Variants in RFPL2 observed in about 807,000 individuals in gnomAD.
RFPL2 encodes ret finger protein-like 2.
RFPL2 carries 13 observed loss-of-function variants against 17.8 expected under a neutral mutation model. The ratio of observed to expected loss-of-function variants is 0.73; its 90% CI spans 0.47 to 1.16. The LOEUF (loss-of-function observed/expected upper bound fraction) is 1.16. RFPL2 is among the 50% of genes most tolerant of loss of function. RFPL2 has a pLI of 0.00. For missense variants in RFPL2, 431 were observed against 479.3 expected, an observed-to-expected ratio of 0.90 and a Z score of 0.94; for synonymous variants, 189 against 180.9, an observed-to-expected ratio of 1.04 and a Z score of -0.36.
chr22:32,193,119 G>C lies in RFPL2; in HGVS notation c.339C>G (p.Ser113=). The change falls in exon 4 of 5, where the codon TCC becomes TCG. Residue 113 remains serine, a synonymous_variant. Transcript: ENST00000652607. The stretch of plus-strand genomic sequence containing the variant: ...GGCAGACGGCGCATCCACACTCCAG[G>C]GACATTGGTTTTTCCAGATAGTCTG... The part of the protein sequence containing the change: ...VCSDYLEKPM[S]LECGCAVCLK... 3 of 1,613,938 alleles carry C rather than the reference G, an allele frequency of 1.9e-6. No individual in the cohort carries two copies. The highest frequency in any genetic ancestry group is 1.7e-6 in the Non-Finnish European group (2 of 1,179,846).
At position 32,193,126 on chromosome 22, in the gene RFPL2, G is replaced by C; in HGVS notation, c.332C>G (p.Pro111Arg). 6.2e-7 allele frequency: 1 copy of C among 1,613,906 alleles called. No individual in the cohort carries two copies. Among genetic ancestry groups the C allele is most frequent in the Non-Finnish European group, 8.5e-7 (1 of 1,179,840 alleles). The change falls in exon 4 of 5, where the codon CCA becomes CGA. Residue 111 changes from proline to arginine, a missense_variant. Coordinates refer to ENST00000652607, the MANE Select transcript of RFPL2 (RefSeq NM_001394555.1). ...GGCGCATCCACACTCCAGGGACATT[G>C]GTTTTTCCAGATAGTCTGAGCAGAC... is the stretch of plus-strand genomic sequence containing the variant. ...CPVCSDYLEK[P>R]MSLECGCAVC...
At chr22:32,199,814 C>T (rs1458735630) in intron 2 of RFPL2, 8 of 371,964 alleles carry the variant, frequency 2.2e-5, no homozygotes, top group African/African-American at 4.4e-5. Flanking sequence ...TCTGAGGGGT[C>T]CTGCACTGGC....
chr22:32,198,769 C>T lies in RFPL2; in HGVS notation c.119+3564G>A, dbSNP rs73392985. On this transcript the variant is annotated intron_variant, in intron 2 of 4. Transcript: ENST00000652607. ...TCAGATCCCTGCCTCAGTGGGTCAC[C>T]GTGACCCCTTCACCTCTGACCTCAG... 5.3e-3 allele frequency among the ~76,000 whole-genome samples: 813 copies of T among 152,160 alleles called. 10 individuals carry two copies. The highest frequency in any genetic ancestry group is 0.018 in the African/African-American group (761 of 41,510).
rs1405312021 is a variant in RFPL2 at position 32,190,619 on chromosome 22, ATAATC to A, written c.*148_*152del. ...GGCAATAATTAATACTTAGGACTCT[ATAATC>A]TAATCAAATTAGATTAAGTACAATC... On this transcript the variant is annotated 3_prime_UTR_variant, in exon 5 of 5. Coordinates refer to ENST00000652607, the MANE Select transcript of RFPL2 (RefSeq NM_001394555.1). 5.4e-6 allele frequency: 4 copies of A among 737,310 alleles called. No individual in the cohort carries two copies. Among genetic ancestry groups the A allele is most frequent in the African/African-American group, 3.6e-5 (2 of 55,676 alleles). The allele number at this position is 737,310 out of a possible 1,614,324, so 45.7% of individuals were successfully genotyped here. A position where few individuals can be genotyped will look rare whatever the true frequency, so the allele number is the denominator to read the frequency against.
At chr22:32,197,008 CA>C (rs1923404067) in intron 2 of RFPL2, among the ~76,000 whole-genome samples, 1 of 152,170 alleles carries the variant, frequency 6.6e-6, no homozygotes, top group South Asian at 2.1e-4. Context: ...TTGTACCAAG[CA>C]GAAAAGTTTC....
intron 4 of RFPL2, among the ~76,000 whole-genome samples, chr22:32,191,969 A>C (rs1199621312): frequency 6.6e-6 from 1 of 152,218 alleles, no homozygotes; most frequent in African/African-American, 2.4e-5. Context: ...AAAAACTGAT[A>C]TGATCACCAA....
rs969625089 is a variant in RFPL2 at position 32,202,568 on chromosome 22, G to A, written c.-99-18C>T. The stretch of plus-strand genomic sequence containing the variant: ...AGAAAAGCCTAGAACAGGATGCAGA[G>A]TGGTAACATTAGAGCGCACCTTGTC... On this transcript the variant is annotated intron_variant, in intron 1 of 4. Transcript: ENST00000652607. 1.6e-5 allele frequency: 24 copies of A among 1,489,250 alleles called. No homozygotes were observed. The African/African-American group carries it at 2.4e-4, about 15-fold the overall frequency. The allele number at this position is 1,489,250 out of a possible 1,614,324, so 92.3% of individuals were successfully genotyped here.
chr22:32,191,302 C>G lies in RFPL2; in HGVS notation c.607G>C (p.Asp203His). Residue 203 changes from aspartate to histidine, a missense_variant, in exon 5 of 5, where the codon GAC becomes CAC. Asp to His is a moderately conservative substitution (Grantham distance 81, BLOSUM62 -1). Transcript: ENST00000652607. The part of the protein sequence containing the change: ...NTANNFLLIS[D>H]DLRSVRSGRI... ...CCACTTCGGACGCTCCTGAGGTCGT[C>G]AGAAATGAGGAGGAAGTTGTTGGCT... 6.2e-7 allele frequency: 1 copy of G among 1,613,874 alleles called. No homozygotes were observed. The highest frequency in any genetic ancestry group is 1.7e-4 in the Middle Eastern group (1 of 6,056).
Position 32,193,125 on chromosome 22 carries a change from T to C in RFPL2, c.333A>G (p.Pro111=). The change falls in exon 4 of 5, where the codon CCA becomes CCG. Residue 111 remains proline, a synonymous_variant. Coordinates refer to ENST00000652607, the MANE Select transcript of RFPL2 (RefSeq NM_001394555.1). ...CPVCSDYLEK[P]MSLECGCAVC... is the part of the protein sequence containing the mutation. ...CGGCGCATCCACACTCCAGGGACAT[T>C]GGTTTTTCCAGATAGTCTGAGCAGA... The C allele has an allele frequency of 1.9e-6, 3 of 1,613,940 alleles. No homozygotes were observed. Among genetic ancestry groups the C allele is most frequent in the Non-Finnish European group, 2.5e-6 (3 of 1,179,848 alleles).
chr22:32,195,229 G>A (rs3986023), intron 2 of RFPL2, among the ~76,000 whole-genome samples: 5 of 152,154 alleles, frequency 3.3e-5, no homozygotes, highest in Middle Eastern at 3.4e-3. Context: ...CTCTTTTTGC[G>A]TAATTAAAAA....
At chr22:32,204,021 C>T (rs1176531404) in intron 1 of RFPL2, among the ~76,000 whole-genome samples, 1 of 151,274 alleles carries the variant, frequency 6.6e-6, no homozygotes, top group Non-Finnish European at 1.5e-5. Flanking sequence ...CCTCTCCTCC[C>T]ACCGAGTCAA....
intron 1 of RFPL2, chr22:32,202,816 C>T: frequency 1.9e-6 from 2 of 1,064,020 alleles, no homozygotes; most frequent in South Asian, 3.2e-5. Context: ...CCCCAGCCAG[C>T]CCTCCCCACC....
At chr22:32,204,071 C>G (rs1405934927) in intron 1 of RFPL2, among the ~76,000 whole-genome samples, 1 of 151,322 alleles carries the variant, frequency 6.6e-6, no homozygotes, top group Admixed American at 6.6e-5. Flanking sequence ...GCACCCAATC[C>G]ACTCCCTGCC....
At chr22:32,202,642 C>G in intron 1 of RFPL2, 92 bp from the exon 2 acceptor site, 1 of 1,412,632 alleles carries the variant, frequency 7.1e-7, no homozygotes, top group Non-Finnish European at 9.2e-7. Context: ...GGTACTCACA[C>G]CCACACTTCA....
At chr22:32,198,590 TCTTCCCTCTC>T (rs1391866509) in intron 2 of RFPL2, among the ~76,000 whole-genome samples, 3 of 152,070 alleles carry the variant, frequency 2.0e-5, no homozygotes, top group African/African-American at 7.2e-5. Context: ...GTGAGTCTCT[TCTTCCCTCTC>T]CTTCCCTGCT....
At chr22:32,203,269 C>A (rs866984297) in intron 1 of RFPL2, 1 of 179,560 alleles carries the variant, frequency 5.6e-6, no homozygotes, top group Non-Finnish European at 1.1e-5. Context: ...CCACCCTCAA[C>A]CAGCCCCTCG....
rs1489954348 is a variant in RFPL2, at chr22:32,193,071, C to G, written c.387G>C (p.Gln129His). 1 of 1,614,006 alleles carries G rather than the reference C, an allele frequency of 6.2e-7. No homozygotes were observed. The highest frequency in any genetic ancestry group is 1.7e-5 in the Admixed American group (1 of 60,024). Residue 129 changes from glutamine (Q) to histidine (H), a missense_variant, in exon 4 of 5, where the codon CAG becomes CAC. By Grantham distance (24) the Gln-to-His change is conservative. Transcript: ENST00000652607. Reference protein sequence around the residue: ...AVCLKCINSLQKEPHGEDLLC... With the variant: ...AVCLKCINSLHKEPHGEDLLC... ...GTAGATCCTCCCCATGGGGCTCCTTCTGCAGTGAATTAATGCACTTGAGGC... is the reference window on the plus strand; with the variant it reads ...GTAGATCCTCCCCATGGGGCTCCTTGTGCAGTGAATTAATGCACTTGAGGC...
At chr22:32,203,897 C>T (rs1307610879) in intron 1 of RFPL2, among the ~76,000 whole-genome samples, 1 of 151,230 alleles carries the variant, frequency 6.6e-6, no homozygotes, top group African/African-American at 2.4e-5. Flanking sequence ...ACACGCACTA[C>T]TGCTCCTTAC....
In RFPL2 at chr22:32,204,952, T is replaced by C. The variant is rs1260581154; in HGVS notation, c.-345A>G. 6.6e-6 allele frequency among the ~76,000 whole-genome samples: 1 copy of C among 152,242 alleles called. No homozygotes were observed. The highest frequency in any genetic ancestry group is 1.5e-5 in the Non-Finnish European group (1 of 68,040). ...CGATCAGAGTAGGCCTAGAGGTTTC[T>C]CTCATCCGATCAGACTATGTAGTCG... is the stretch of plus-strand genomic sequence containing the variant. On this transcript the variant is annotated 5_prime_UTR_variant, in exon 1 of 5. Coordinates refer to ENST00000652607, the MANE Select transcript of RFPL2 (RefSeq NM_001394555.1).
Sources: gnomAD v4.1 joint callset for allele counts (sites outside exome capture counted in the v4.1 genomes callset) on GRCh38, gnomAD v4.1.1 for gene constraint, MANE v1.5 for transcripts, NCBI Gene and HGNC (gene_info 2026-07-23, HGNC 2026-07-21) for gene names.